MUC17: variants seen among roughly 807,000 people sequenced by gnomAD.
MUC17 encodes mucin-17.
In MUC17, 190 loss-of-function variants were observed where a neutral mutation model predicts 170.3. The observed-to-expected ratio is 1.12, with a 90% CI of 0.99 to 1.26. The LOEUF (loss-of-function observed/expected upper bound fraction) is 1.26, where lower values mean the gene tolerates loss of function less well. Among genes scored for constraint, MUC17 ranks in the 50% most tolerant of loss-of-function variants. The pLI is 0.00. For synonymous variants in MUC17, 2,325 were observed against 2,002.5 expected (o/e 1.16, Z -4.30); for missense variants, 6,415 against 5,530.0 (o/e 1.16, Z -5.08).
Position 101,032,734 on chromosome 7 carries a change from A to G in MUC17, c.1318A>G (p.Thr440Ala), listed in dbSNP as rs2116409132. ...CTCATCTCCCACAACTGCTGAAGATACCAGCATTGCAACCTCAACTCCTAG... is the reference window on the plus strand; with the variant it reads ...CTCATCTCCCACAACTGCTGAAGATGCCAGCATTGCAACCTCAACTCCTAG... ...ASSSPTTAEDTSIATSTPSEG... is the reference protein window; with the variant it reads ...ASSSPTTAEDASIATSTPSEG... The change falls in exon 3 of 13, where the codon ACC becomes GCC. Residue 440 changes from threonine (T) to alanine (A), a missense_variant. Physicochemically the swap from Thr to Ala is moderately conservative, Grantham distance 58. Transcript: ENST00000306151. 6.2e-7 allele frequency: 1 copy of G among 1,613,772 alleles called. No individual in the cohort carries two copies. The highest frequency in any genetic ancestry group is 8.5e-7 in the Non-Finnish European group (1 of 1,179,808).
In MUC17 at chr7:101,051,925, G is replaced by A. The variant is rs1399543563; in HGVS notation, c.13066G>A (p.Gly4356Ser). Residue 4356 changes from glycine to serine, a missense_variant, in exon 9 of 13, where the codon GGC becomes AGC. By Grantham distance (56) the Gly-to-Ser change is moderately conservative (BLOSUM62 0). Coordinates refer to ENST00000306151, the MANE Select transcript of MUC17 (RefSeq NM_001040105.2). ...CAGTGTCTCCAAGAACTGTAACCTC[G>A]GCAAGTGCCAGATGTCTCTAAGTGG... is the stretch of plus-strand genomic sequence containing the variant. ...GFSVSKNCNLGKCQMSLSGPQ... is the reference protein window; with the variant it reads ...GFSVSKNCNLSKCQMSLSGPQ... 1.2e-5 allele frequency: 20 copies of A among 1,613,966 alleles called. No individual in the cohort carries two copies. Among genetic ancestry groups the A allele is most frequent in the South Asian group, 4.4e-5 (4 of 91,076 alleles).
At chr7:101,048,993 C>T in intron 5 of MUC17, 21 bp downstream of exon 5, 1 of 1,614,010 alleles carries the variant, frequency 6.2e-7, no homozygotes, top group South Asian at 1.1e-5. Flanking sequence ...GAGAGCAAGG[C>T]CCCATAGCTA....
chr7:101,056,420 C>T, intron 12 of MUC17, 150 bp downstream of exon 12: 3 of 1,290,842 alleles, frequency 2.3e-6, no homozygotes, highest in Non-Finnish European at 3.1e-6. Flanking sequence ...TGCCAGGAAA[C>T]AAGCCTAACT....
At chr7:101,021,281 G>A (rs1181810123) in intron 1 of MUC17, among the ~76,000 whole-genome samples, 2 of 149,378 alleles carry the variant, frequency 1.3e-5, no homozygotes, top group Non-Finnish European at 3.0e-5. Flanking sequence ...TGCCTCCCGG[G>A]TTCAAGCGAT....
chr7:101,051,721 G>A (rs1562823605), intron 8 of MUC17, 40 bp downstream of exon 8: 1 of 1,607,558 alleles, frequency 6.2e-7, no homozygotes, highest in Admixed American at 1.7e-5. Context: ...AGGCTGGAGA[G>A]GTGGGGAGCC....
Position 101,053,379 on chromosome 7 carries a change from G to A in MUC17, c.13306G>A (p.Glu4436Lys), listed in dbSNP as rs770157998. The A allele has an allele frequency of 2.5e-6, 4 of 1,614,178 alleles. No homozygotes were observed. The highest frequency in any genetic ancestry group is 3.4e-6 in the Non-Finnish European group (4 of 1,180,036). The stretch of plus-strand genomic sequence containing the variant: ...GTCTCAGTTATACAAGTGGCAAGAA[G>A]AGGACAGTGGACCAGCTCCTGGGAC... ...RLSQLYKWQE[E>K]DSGPAPGTFQ... The change falls in exon 11 of 13, where the codon GAG (glutamate) becomes AAG (lysine). Residue 4436 changes from glutamate to lysine, a missense_variant. Physicochemically the swap from Glu to Lys is moderately conservative, Grantham distance 56. Transcript: ENST00000306151.
chr7:101,047,529 T>C (rs1228936462), intron 3 of MUC17, among the ~76,000 whole-genome samples: 2 of 152,010 alleles, frequency 1.3e-5, no homozygotes, highest in Non-Finnish European at 2.9e-5. Flanking sequence ...CATGAGAGTA[T>C]CATATTAGGC....
intron 1 of MUC17, among the ~76,000 whole-genome samples, chr7:101,021,195 T>C (rs1043617283): frequency 1.4e-5 from 2 of 146,968 alleles, no homozygotes; most frequent in African/African-American, 2.5e-5. Context: ...TTTTTTTTTT[T>C]TTTTTTTTGA....
At chr7:101,053,594 A>C (rs1199514026) in intron 11 of MUC17, 158 bp downstream of exon 11, 10 of 557,488 alleles carry the variant, frequency 1.8e-5, no homozygotes, top group Non-Finnish European at 2.8e-5. Flanking sequence ...AACACAGCAA[A>C]ACTCTATCTC....
chr7:101,050,767 C>A (rs1437400904), intron 7 of MUC17, 132 bp downstream of exon 7: 17 of 1,328,220 alleles, frequency 1.3e-5, no homozygotes, highest in Non-Finnish European at 1.6e-5. Flanking sequence ...GTCCTAGAGT[C>A]CCTGGGGTTG....
At chr7:101,023,800 T>A (rs1275040595) in intron 1 of MUC17, among the ~76,000 whole-genome samples, 1 of 152,224 alleles carries the variant, frequency 6.6e-6, no homozygotes, top group Non-Finnish European at 1.5e-5. Context: ...GAAATCTCCA[T>A]ACTGTTTTCT....
Position 101,034,893 on chromosome 7 carries a change from C to A in MUC17, c.3477C>A (p.Thr1159=), listed in dbSNP as rs1368342809. The A allele has an allele frequency of 1.9e-6, 3 of 1,613,158 alleles. No individual in the cohort carries two copies. Among genetic ancestry groups the A allele is most frequent in the South Asian group, 2.2e-5 (2 of 90,986 alleles). The change falls in exon 3 of 13, where the codon ACC becomes ACA. Residue 1159 remains threonine (T), a synonymous_variant. Transcript: ENST00000306151. ...CAACCTCACCTCCCAGTGAAGGAACCACTCCGTTAGCAAGTATGCCTGTCA... is the reference window on the plus strand; with the variant it reads ...CAACCTCACCTCCCAGTGAAGGAACAACTCCGTTAGCAAGTATGCCTGTCA... ...SIPTSPPSEG[T]TPLASMPVST... is the part of the protein sequence containing the mutation.
chr7:101,043,814 CA>C lies in MUC17; in HGVS notation c.12400del (p.Thr4134HisfsTer45). On this transcript the variant is annotated frameshift_variant, in exon 3 of 13. Transcript: ENST00000306151. LOFTEE classifies it high-confidence loss of function. Reference sequence around the variant, plus strand: ...TCAACTCCTACTGTGCCAAGAACCACAACATGTAAGTGATTTCTTGAATTTT... The same window carrying C: ...TCAACTCCTACTGTGCCAAGAACCACACATGTAAGTGATTTCTTGAATTTT... Reference protein sequence around the residue: ...PTSTPTVPRTTTCFGDGCQNT... With the variant: ...PTSTPTVPRTXTCFGDGCQNT... 6.3e-7 allele frequency: 1 copy of C among 1,593,478 alleles called. No homozygotes were observed. Among genetic ancestry groups the C allele is most frequent in the Non-Finnish European group, 8.6e-7 (1 of 1,168,392 alleles).
rs770517930 is a variant in MUC17, at chr7:101,050,496, G to A, written c.12735G>A (p.Val4245=). The A allele has an allele frequency of 7.4e-6, 12 of 1,613,676 alleles. No homozygotes were observed. In the South Asian group the frequency reaches 1.1e-4, roughly 15 times the overall value. Reference sequence around the variant, plus strand: ...CTTCCCTCTTCAGTCTTGGCAGTGTGGTGGTGGAGCATGACGTCCTCCTAA... The same window carrying A: ...CTTCCCTCTTCAGTCTTGGCAGTGTAGTGGTGGAGCATGACGTCCTCCTAA... ...VNITKLRLGS[V]VVEHDVLLRT... The change falls in exon 7 of 13, where the codon GTG becomes GTA. Residue 4245 remains valine (V), a synonymous_variant. Coordinates refer to ENST00000306151, the MANE Select transcript of MUC17 (RefSeq NM_001040105.2).
At chr7:101,049,927 A>G (rs1200797709) in intron 6 of MUC17, among the ~76,000 whole-genome samples, 1 of 152,076 alleles carries the variant, frequency 6.6e-6, no homozygotes, top group African/African-American at 2.4e-5. Flanking sequence ...GGCCGGGAGC[A>G]CAAGACCAGC....
chr7:101,037,438 A>G lies in MUC17; in HGVS notation c.6022A>G (p.Thr2008Ala), dbSNP rs1415301066. The G allele has an allele frequency of 6.2e-6, 10 of 1,609,982 alleles. No homozygotes were observed. The highest frequency in any genetic ancestry group is 3.3e-5 in the Admixed American group (2 of 59,854). Reference protein sequence around the residue: ...VSSEASTLSTTPVDTSTPATT... With the variant: ...VSSEASTLSTAPVDTSTPATT... ...TTCTGAGGCTAGCACTCTTTCCACA[A>G]CTCCTGTTGACACCAGCACTCCTGC... Residue 2008 changes from threonine (T) to alanine (A), a missense_variant, in exon 3 of 13, where the codon ACT becomes GCT. Thr to Ala is a moderately conservative substitution (Grantham distance 58). Transcript: ENST00000306151.
Position 101,031,723 on chromosome 7 carries a change from C to T in MUC17, c.307C>T (p.Pro103Ser), listed in dbSNP as rs753499828. 53 of 1,607,082 alleles carry T rather than the reference C, an allele frequency of 3.3e-5. No individual in the cohort carries two copies. The highest frequency in any genetic ancestry group is 4.4e-5 in the Non-Finnish European group (52 of 1,173,716). Residue 103 changes from proline (P) to serine (S), a missense_variant, in exon 3 of 13, where the codon CCT (proline) becomes TCT (serine). Physicochemically the swap from Pro to Ser is moderately conservative, Grantham distance 74. Coordinates refer to ENST00000306151, the MANE Select transcript of MUC17 (RefSeq NM_001040105.2). Reference protein sequence around the residue: ...SIESSVTSDTPGVSSTRMTPT... With the variant: ...SIESSVTSDTSGVSSTRMTPT... ...TGAGTCCAGTGTGACTTCAGACACT[C>T]CTGGTGTCTCCAGTACCAGGATGAC... is the stretch of plus-strand genomic sequence containing the variant.
rs1445237295 is a variant in MUC17 at position 101,033,817 on chromosome 7, C to G, written c.2401C>G (p.Pro801Ala). ...TEGTSMPIST[P>A]SEGSPLLTSI... ...AGGTACCAGCATGCCAATCTCAACT[C>G]CTAGTGAAGGAAGTCCTTTATTAAC... Residue 801 changes from proline to alanine, a missense_variant, in exon 3 of 13, where the codon CCT (proline) becomes GCT (alanine). By Grantham distance (27) the Pro-to-Ala change is conservative. Coordinates refer to ENST00000306151, the MANE Select transcript of MUC17 (RefSeq NM_001040105.2). 1.2e-6 allele frequency: 2 copies of G among 1,613,532 alleles called. No individual in the cohort carries two copies. Among genetic ancestry groups the G allele is most frequent in the Non-Finnish European group, 1.7e-6 (2 of 1,179,906 alleles).
At position 101,043,112 on chromosome 7, in the gene MUC17, C is replaced by T; in HGVS notation, c.11696C>T (p.Pro3899Leu). 3.1e-6 allele frequency: 5 copies of T among 1,614,202 alleles called. No homozygotes were observed. The highest frequency in any genetic ancestry group is 4.2e-6 in the Non-Finnish European group (5 of 1,180,034). ...FPGASIASTP[P>L]LDTSTTFTPS... ...GGGGCCAGCATAGCTTCGACACCTCCTCTTGACACAAGCACAACTTTTACC... is the reference window on the plus strand; with the variant it reads ...GGGGCCAGCATAGCTTCGACACCTCTTCTTGACACAAGCACAACTTTTACC... The change falls in exon 3 of 13, where the codon CCT becomes CTT. Residue 3899 changes from proline to leucine, a missense_variant. Coordinates refer to ENST00000306151, the MANE Select transcript of MUC17 (RefSeq NM_001040105.2).
Sources: allele counts gnomAD v4.1 joint callset (sites outside exome capture counted in the v4.1 genomes callset), GRCh38; gene constraint gnomAD v4.1.1; transcripts MANE v1.5; gene names NCBI Gene and HGNC (gene_info 2026-07-23, HGNC 2026-07-21).